MAPKAPK2: variants seen among roughly 807,000 people sequenced by gnomAD.
MAPKAPK2 encodes the protein MAP kinase-activated protein kinase 2.
MAPKAPK2 carries 9 observed loss-of-function variants against 48.8 expected under a neutral mutation model. The ratio of observed to expected loss-of-function variants is 0.18; its 90% CI spans 0.11 to 0.32. The LOEUF (loss-of-function observed/expected upper bound fraction) is 0.32, where lower values mean the gene tolerates loss of function less well. MAPKAPK2 is among the 10% of genes least tolerant of loss of function. The pLI, the probability that MAPKAPK2 is intolerant of heterozygous loss-of-function variation, is 1.00. For synonymous variants in MAPKAPK2, 202 were observed against 190.6 expected (o/e 1.06, Z -0.49); for missense variants, 331 against 498.3 (o/e 0.66, Z 3.20).
In MAPKAPK2 at chr1:206,685,130, A is replaced by C; in HGVS notation, c.-100A>C. On this transcript the variant is annotated 5_prime_UTR_variant, in exon 1 of 10. Coordinates refer to ENST00000367103, the MANE Select transcript of MAPKAPK2 (RefSeq NM_032960.4). The stretch of plus-strand genomic sequence containing the variant: ...GGGAAGCCGGCTCCAGCCCGGAGCG[A>C]ACTTCGCAGCCCGTCGGGGGGCGGC... The C allele has an allele frequency of 4.6e-6, 1 of 216,122 alleles. No homozygotes were observed. Among genetic ancestry groups the C allele is most frequent in the Non-Finnish European group, 8.9e-6 (1 of 112,432 alleles). The allele number at this position is 216,122 out of a possible 1,614,324, so 13.4% of individuals were successfully genotyped here. A position where few individuals can be genotyped will look rare whatever the true frequency, so the allele number is the denominator to read the frequency against.
At chr1:206,706,391 C>T (rs1553428568) in intron 1 of MAPKAPK2, among the ~76,000 whole-genome samples, 2 of 152,092 alleles carry the variant, frequency 1.3e-5, no homozygotes, top group Non-Finnish European at 2.9e-5. Context: ...GCAGATGCTG[C>T]TCTGCAGTTA....
chr1:206,729,006 C>T, intron 2 of MAPKAPK2, 29 bp from the exon 3 acceptor site: 1 of 1,613,746 alleles, frequency 6.2e-7, no homozygotes, highest in Non-Finnish European at 8.5e-7. Context: ...CTGTTGTGTT[C>T]TCTGGATCTC....
chr1:206,716,142 T>A (rs1673323094), intron 1 of MAPKAPK2, among the ~76,000 whole-genome samples: 1 of 152,114 alleles, frequency 6.6e-6, no homozygotes, highest in African/African-American at 2.4e-5. Flanking sequence ...TTTTTCTTCC[T>A]GGCCAGAAGT....
At position 206,726,044 on chromosome 1, in the gene MAPKAPK2, C is replaced by T. The variant is rs115332998; in HGVS notation, c.280-2666C>T. Among the ~76,000 whole-genome samples, 199 of 152,316 alleles carry T rather than the reference C, an allele frequency of 1.3e-3. 1 individual carries two copies. The Middle Eastern group carries it at 0.02, about 16-fold the overall frequency. On this transcript the variant is annotated intron_variant, in intron 1 of 9. Transcript: ENST00000367103. The stretch of plus-strand genomic sequence containing the variant: ...AAATTGGCCAGTGCCTTCTCTTGCT[C>T]CCCTTAGAGCATGGGAAAGTAAACT...
At chr1:206,723,837 C>A (rs896017036) in intron 1 of MAPKAPK2, among the ~76,000 whole-genome samples, 1 of 152,220 alleles carries the variant, frequency 6.6e-6, no homozygotes, top group Non-Finnish European at 1.5e-5. Context: ...CCCTCACTGC[C>A]GCTGTCCTAG....
At chr1:206,710,238 T>G (rs1049023153) in intron 1 of MAPKAPK2, among the ~76,000 whole-genome samples, 8 of 152,082 alleles carry the variant, frequency 5.3e-5, no homozygotes, top group African/African-American at 1.9e-4. Context: ...CTGTTAGCTC[T>G]TCAGTCCACA....
At chr1:206,730,564 G>A in intron 5 of MAPKAPK2, 124 bp from the exon 6 acceptor site, 4 of 798,452 alleles carry the variant, frequency 5.0e-6, no homozygotes, top group Non-Finnish European at 6.5e-6. Flanking sequence ...TTCCTTCTGT[G>A]CCCCAACTGC....
At position 206,729,282 on chromosome 1, in the gene MAPKAPK2, G is replaced by T. The variant is rs1673818194; in HGVS notation, c.485-114G>T. Reference sequence around the variant, plus strand: ...TGGCTTTGTTTCTGGGGTGGGTGGTGGCTGTGGGGAGCCTCAGGCTGCACA... The same window carrying T: ...TGGCTTTGTTTCTGGGGTGGGTGGTTGCTGTGGGGAGCCTCAGGCTGCACA... On this transcript the variant is annotated intron_variant, in intron 3 of 9. Coordinates refer to ENST00000367103, the MANE Select transcript of MAPKAPK2 (RefSeq NM_032960.4). 3 of 1,095,456 alleles carry T rather than the reference G, an allele frequency of 2.7e-6. No homozygotes were observed. The Admixed American group carries it at 5.2e-5, about 19-fold the overall frequency. The allele number at this position is 1,095,456 out of a possible 1,614,324, so 67.9% of individuals were successfully genotyped here.
intron 1 of MAPKAPK2, among the ~76,000 whole-genome samples, chr1:206,709,267 A>G (rs1347915952): frequency 6.6e-6 from 1 of 152,034 alleles, no homozygotes; most frequent in Non-Finnish European, 1.5e-5. Context: ...CCGGCAATTC[A>G]CCCTAGTTTA....
In MAPKAPK2 at chr1:206,731,731, C is replaced by T; in HGVS notation, c.978+6C>T. On this transcript the variant is annotated splice_donor_region_variant and intron_variant, in intron 8 of 9. Transcript: ENST00000367103. The surrounding 1 kb of genome is among the most constrained non-coding windows in gnomAD (Gnocchi z 5.9). ...TGAACCACCCTTGGATCATGGTAAG[C>T]TCGGCAGGCTGGGGAGCCTTGGGTC... 6.2e-7 allele frequency: 1 copy of T among 1,613,948 alleles called. No homozygotes were observed. The highest frequency in any genetic ancestry group is 1.1e-5 in the South Asian group (1 of 91,072).
intron 1 of MAPKAPK2, among the ~76,000 whole-genome samples, chr1:206,711,423 G>T (rs1553429449): frequency 2.7e-5 from 4 of 150,820 alleles, no homozygotes; most frequent in Non-Finnish European, 5.9e-5. Flanking sequence ...GCTAATTTTT[G>T]TGTTTTTAAT....
rs535646916 is a variant in MAPKAPK2 at position 206,706,845 on chromosome 1, C to T, written c.279+21337C>T. Among the ~76,000 whole-genome samples, 337 of 152,254 alleles carry T rather than the reference C, an allele frequency of 2.2e-3. 1 individual carries two copies. The highest frequency in any genetic ancestry group is 7.0e-3 in the African/African-American group (292 of 41,544). ...TGCTGAGCATTTACCTGCAGCCCCT[C>T]GGGGCTAGAAGGCAGGGCAGTGTCT... On this transcript the variant is annotated intron_variant, in intron 1 of 9. Transcript: ENST00000367103.
chr1:206,732,350 G>A lies in MAPKAPK2; in HGVS notation c.1060-225G>A. The stretch of plus-strand genomic sequence containing the variant: ...CTGCGGGATCACTGGGGGGCTCTCA[G>A]GGAACAGCAGCAGTGCCATAGCCAG... On this transcript the variant is annotated intron_variant, in intron 9 of 9. Coordinates refer to ENST00000367103, the MANE Select transcript of MAPKAPK2 (RefSeq NM_032960.4). The surrounding 1 kb of genome is among the most constrained non-coding windows in gnomAD (Gnocchi z 4.4). 1.4e-6 allele frequency: 2 copies of A among 1,444,156 alleles called. No individual in the cohort carries two copies. Among genetic ancestry groups the A allele is most frequent in the Non-Finnish European group, 1.8e-6 (2 of 1,101,982 alleles). The allele number at this position is 1,444,156 out of a possible 1,614,324, so 89.5% of individuals were successfully genotyped here.
chr1:206,701,830 CT>C lies in MAPKAPK2; in HGVS notation c.279+16323del, dbSNP rs374265428. Among the ~76,000 whole-genome samples the C allele has an allele frequency of 4.6e-3, 373 of 80,220 alleles. 10 individuals are homozygous for C. Among genetic ancestry groups the C allele is most frequent in the African/African-American group, 0.016 (345 of 22,206 alleles). The allele number at this position is 80,220 out of a possible 152,430, so 52.6% of individuals were successfully genotyped here. The stretch of plus-strand genomic sequence containing the variant: ...TGGGCAACAGAATGAGACCCTGTCT[CT>C]AAAAAAAAAAAAAAAAAAAAAAAAA... On this transcript the variant is annotated intron_variant, in intron 1 of 9. Transcript: ENST00000367103.
chr1:206,713,004 A>ACACT, intron 1 of MAPKAPK2, among the ~76,000 whole-genome samples: 1 of 151,356 alleles, frequency 6.6e-6, no homozygotes, highest in African/African-American at 2.4e-5. Flanking sequence ...ACACACACAC[A>ACACT]CTAATAGGTT....
intron 1 of MAPKAPK2, among the ~76,000 whole-genome samples, chr1:206,713,298 C>T (rs1673217911): frequency 6.6e-6 from 1 of 152,148 alleles, no homozygotes; most frequent in Non-Finnish European, 1.5e-5. Flanking sequence ...GTGACATTGC[C>T]ATGGTTCTTA....
Position 206,733,442 on chromosome 1 carries a change from A to G in MAPKAPK2, c.*724A>G, listed in dbSNP as rs944648737. On this transcript the variant is annotated 3_prime_UTR_variant, in exon 10 of 10. Transcript: ENST00000367103. ...CCCTTCTTGGGTCTGCCCTGCCCATACTGAGCCTGCCAAAGTGCCTGGGAA... is the reference window on the plus strand; with the variant it reads ...CCCTTCTTGGGTCTGCCCTGCCCATGCTGAGCCTGCCAAAGTGCCTGGGAA... 36 of 152,406 alleles carry G rather than the reference A, an allele frequency of 2.4e-4. No individual in the cohort carries two copies. The highest frequency in any genetic ancestry group is 8.2e-4 in the African/African-American group (34 of 41,554). 9.4% of individuals were successfully genotyped at this position (152,406 alleles called of 1,614,324 possible). A position where few individuals can be genotyped will look rare whatever the true frequency, so the allele number is the denominator to read the frequency against.
intron 1 of MAPKAPK2, among the ~76,000 whole-genome samples, chr1:206,726,877 G>A (rs146415545): frequency 7.5e-4 from 115 of 152,322 alleles, no homozygotes; most frequent in Non-Finnish European, 1.4e-3. Flanking sequence ...CCCTCTGCAA[G>A]CTGGCTCCAT....
rs782504552 is a variant in MAPKAPK2 at position 206,685,339 on chromosome 1, C to T, written c.110C>T (p.Pro37Leu). The T allele has an allele frequency of 2.0e-6, 3 of 1,477,628 alleles. No individual in the cohort carries two copies. Among genetic ancestry groups the T allele is most frequent in the African/African-American group, 1.5e-5 (1 of 67,582 alleles). 91.5% of individuals were successfully genotyped at this position (1,477,628 alleles called of 1,614,324 possible). A position where few individuals can be genotyped will look rare whatever the true frequency, so the allele number is the denominator to read the frequency against. The stretch of plus-strand genomic sequence containing the variant: ...CCGCACCCCCCGGCGCAGCCGCCGC[C>T]GCCGCCCCCGCAGCAGTTCCCGCAG... ...ALPHPPAQPP[P>L]PPPQQFPQFH... The change falls in exon 1 of 10, where the codon CCG (proline) becomes CTG (leucine). Residue 37 changes from proline to leucine, a missense_variant. Physicochemically the swap from Pro to Leu is moderately conservative, Grantham distance 98 (BLOSUM62 -3). Around this residue, in one of 4 missense-constraint regions of MAPKAPK2, gnomAD observed 93 missense variants for 81.0 expected, o/e 1.15. Transcript: ENST00000367103.
Sources: gnomAD v4.1 joint callset for allele counts (sites outside exome capture counted in the v4.1 genomes callset) on GRCh38, gnomAD v4.1.1 for gene constraint, gnomAD v4.1.1 regional missense constraint, Gnocchi (gnomAD v3.1) non-coding constraint, MANE v1.5 for transcripts, NCBI Gene and HGNC (gene_info 2026-07-23, HGNC 2026-07-21) for gene names.